The following KCNC2 variants were observed in gnomAD, a reference collection of about 807,000 sequenced individuals.
KCNC2 encodes the protein potassium voltage-gated channel subfamily C member 2, also known as voltage-gated potassium channel KCNC2.
A neutral mutation model predicts 44.5 loss-of-function variants in KCNC2; 21 were observed. The observed-to-expected ratio is 0.47, with a 90% confidence interval of 0.33 to 0.68. The LOEUF is 0.68. KCNC2 is among the 30% of genes least tolerant of loss of function. The pLI, the probability that KCNC2 is intolerant of heterozygous loss-of-function variation, is 0.01. For synonymous variants in KCNC2, 391 were observed against 339.1 expected (o/e 1.15, Z -1.68); for missense variants, 589 against 826.2 (o/e 0.71, Z 3.52).
intron 2 of KCNC2, among the ~76,000 whole-genome samples, chr12:75,067,105 AGT>A (rs1882907955): frequency 6.6e-6 from 1 of 152,100 alleles, no homozygotes; most frequent in Admixed American, 6.6e-5. Flanking sequence ...AGGAGGCAGA[AGT>A]GGGAGGATCT....
chr12:75,157,196 T>A (rs911249215), intron 2 of KCNC2, among the ~76,000 whole-genome samples: 2 of 151,906 alleles, frequency 1.3e-5, no homozygotes, highest in African/African-American at 2.4e-5. Context: ...ATTTTGGTAA[T>A]AAGAAAGTAA....
At chr12:75,075,579 C>T (rs1883879194) in intron 2 of KCNC2, among the ~76,000 whole-genome samples, 1 of 151,488 alleles carries the variant, frequency 6.6e-6, no homozygotes, top group Non-Finnish European at 1.5e-5. Context: ...AAGATAATTA[C>T]ATAGTTATTC....
intron 2 of KCNC2, among the ~76,000 whole-genome samples, chr12:75,074,636 C>T (rs1011047311): frequency 5.9e-5 from 9 of 152,150 alleles, no homozygotes; most frequent in African/African-American, 2.2e-4. Flanking sequence ...TCTTAGAGAC[C>T]ACTTTCAAGA....
chr12:75,200,803 A>T (rs1475301920), intron 2 of KCNC2, among the ~76,000 whole-genome samples: 2 of 151,808 alleles, frequency 1.3e-5, no homozygotes, highest in African/African-American at 4.8e-5. Context: ...ACTATTTTCT[A>T]CGTTTATTCT....
chr12:75,064,505 AT>A (rs1322347534), intron 2 of KCNC2, among the ~76,000 whole-genome samples: 1 of 152,074 alleles, frequency 6.6e-6, no homozygotes, highest in Admixed American at 6.6e-5. Flanking sequence ...ACAGGGTCCA[AT>A]AATTGTGGCA....
chr12:75,080,921 A>T (rs757281397), intron 2 of KCNC2, among the ~76,000 whole-genome samples: 3 of 152,130 alleles, frequency 2.0e-5, no homozygotes, highest in Non-Finnish European at 4.4e-5. Flanking sequence ...CTCAACATGT[A>T]TCAGAATTCC....
intron 2 of KCNC2, among the ~76,000 whole-genome samples, chr12:75,168,614 C>A (rs1014446825): frequency 2.6e-5 from 4 of 151,486 alleles, no homozygotes; most frequent in Non-Finnish European, 5.9e-5. Flanking sequence ...GTGAAAACAA[C>A]TTAAAAAAAT....
intron 2 of KCNC2, among the ~76,000 whole-genome samples, chr12:75,155,160 AT>A (rs1453668170): frequency 6.6e-6 from 1 of 151,890 alleles, no homozygotes; most frequent in Non-Finnish European, 1.5e-5. Context: ...GCCTGCAGAA[AT>A]TTTTGGCTCA....
At chr12:75,115,581 T>G (rs1887601345) in intron 2 of KCNC2, among the ~76,000 whole-genome samples, 1 of 152,186 alleles carries the variant, frequency 6.6e-6, no homozygotes, top group African/African-American at 2.4e-5. Context: ...TGCCAGGAAT[T>G]CTGTTCATCT....
chr12:75,165,545 AT>A (rs1891393289), intron 2 of KCNC2, among the ~76,000 whole-genome samples: 1 of 151,378 alleles, frequency 6.6e-6, no homozygotes, highest in Admixed American at 6.6e-5. Flanking sequence ...TTAATAAGTT[AT>A]TTTTTCTATT....
Position 75,050,775 on chromosome 12 carries a change from A to T in KCNC2, c.1230T>A (p.Pro410=). 1.2e-6 allele frequency: 2 copies of T among 1,613,502 alleles called. No homozygotes were observed. The highest frequency in any genetic ancestry group is 1.7e-6 in the Non-Finnish European group (2 of 1,179,834). The change falls in exon 3 of 5, where the codon CCT becomes CCA. Residue 410 remains proline, a synonymous_variant. Transcript: ENST00000549446. ...TGTGCTCACTAGCTGAAGGGTCGTT[A>T]GGTTGAGCTCCCACTCTCTCGGCAT... ...IYYAERVGAQ[P]NDPSASEHTQ...
At chr12:75,080,149 G>A (rs1884353462) in intron 2 of KCNC2, among the ~76,000 whole-genome samples, 1 of 151,956 alleles carries the variant, frequency 6.6e-6, no homozygotes, top group Non-Finnish European at 1.5e-5. Context: ...CTCATGATCA[G>A]TGCTGTTGGC....
At chr12:75,173,021 A>G (rs1414433757) in intron 2 of KCNC2, among the ~76,000 whole-genome samples, 3 of 151,918 alleles carry the variant, frequency 2.0e-5, no homozygotes, top group Admixed American at 1.3e-4. Context: ...TTTTATGATC[A>G]AACTCAAATA....
intron 2 of KCNC2, among the ~76,000 whole-genome samples, chr12:75,134,168 T>C (rs968155179): frequency 3.3e-5 from 5 of 151,966 alleles, no homozygotes; most frequent in Non-Finnish European, 2.9e-5. Flanking sequence ...ACAGGTCAGT[T>C]ATTTTCCACT....
chr12:75,186,089 AAAT>A (rs1336884751), intron 2 of KCNC2, among the ~76,000 whole-genome samples: 14 of 147,770 alleles, frequency 9.5e-5, no homozygotes, highest in Non-Finnish European at 1.7e-4. Flanking sequence ...ATAAATAAAT[AAAT>A]AAAAATTTTA....
intron 2 of KCNC2, among the ~76,000 whole-genome samples, chr12:75,158,297 C>T (rs1021551857): frequency 1.3e-5 from 2 of 151,812 alleles, no homozygotes; most frequent in Non-Finnish European, 2.9e-5. Flanking sequence ...ATCTTCTAAC[C>T]ATGAGTGGGA....
intron 2 of KCNC2, among the ~76,000 whole-genome samples, chr12:75,065,092 T>C (rs1882701122): frequency 6.6e-6 from 1 of 152,102 alleles, no homozygotes; most frequent in South Asian, 2.1e-4. Context: ...AATTTCTTTA[T>C]TATTTGATGG....
At chr12:75,190,798 A>T (rs1432499141) in intron 2 of KCNC2, among the ~76,000 whole-genome samples, 1 of 152,148 alleles carries the variant, frequency 6.6e-6, no homozygotes, top group Non-Finnish European at 1.5e-5. Flanking sequence ...GCAATTAAAC[A>T]GGTATAAATA....
chr12:75,061,663 A>G (rs1419797212), intron 2 of KCNC2, among the ~76,000 whole-genome samples: 1 of 151,920 alleles, frequency 6.6e-6, no homozygotes, highest in East Asian at 1.9e-4. Context: ...TTTTGTCCAT[A>G]GAGGTCATCA....
Sources: allele counts gnomAD v4.1 joint callset (sites outside exome capture counted in the v4.1 genomes callset), GRCh38; gene constraint gnomAD v4.1.1; transcripts MANE v1.5; gene names NCBI Gene and HGNC (gene_info 2026-07-23, HGNC 2026-07-21).